FSD1L: variants seen among roughly 807,000 people sequenced by gnomAD.
FSD1L encodes the protein fibronectin type III and SPRY domain containing 1 like.
A neutral mutation model predicts 71.6 loss-of-function variants in FSD1L; 45 were observed. The observed-to-expected ratio is 0.63, with a 90% CI of 0.49 to 0.81. The LOEUF (loss-of-function observed/expected upper bound fraction) is 0.81, where lower values mean the gene tolerates loss of function less well. Among genes scored for constraint, FSD1L ranks in the 30% least tolerant of loss-of-function variants. The probability of loss-of-function intolerance (pLI) is 0.00; values close to 1 mark genes in which losing one functional copy is unlikely to be tolerated. For missense variants in FSD1L, 561 were observed against 618.1 expected, an observed-to-expected ratio of 0.91 and a Z score of 0.98; for synonymous variants, 197 against 207.2, an observed-to-expected ratio of 0.95 and a Z score of 0.42.
chr9:105,516,046 G>A (rs998291324), intron 10 of FSD1L, among the ~76,000 whole-genome samples: 7 of 152,130 alleles, frequency 4.6e-5, no homozygotes, highest in African/African-American at 1.4e-4. Context: ...TTGAGTAGGT[G>A]GTTTTCCCCT....
At chr9:105,504,644 C>T (rs963396485) in intron 7 of FSD1L, among the ~76,000 whole-genome samples, 1 of 152,160 alleles carries the variant, frequency 6.6e-6, no homozygotes, top group Non-Finnish European at 1.5e-5. Flanking sequence ...CACAGATGCT[C>T]AAGTCCCTAA....
At chr9:105,512,620 CAGATA>C (rs1419282540) in intron 9 of FSD1L, among the ~76,000 whole-genome samples, 182 bp from the exon 10 acceptor site, 1 of 151,994 alleles carries the variant, frequency 6.6e-6, no homozygotes, top group Non-Finnish European at 1.5e-5. Context: ...AATGGGAAAT[CAGATA>C]AGAATTATAA....
intron 6 of FSD1L, among the ~76,000 whole-genome samples, chr9:105,482,564 A>G (rs1832279343): frequency 6.6e-6 from 1 of 152,228 alleles, no homozygotes; most frequent in Non-Finnish European, 1.5e-5. Context: ...GTAGAGAATT[A>G]TCTAATGAAT....
At chr9:105,504,506 T>A (rs1833939838) in intron 7 of FSD1L, among the ~76,000 whole-genome samples, 1 of 152,232 alleles carries the variant, frequency 6.6e-6, no homozygotes, top group Admixed American at 6.5e-5. Context: ...TTAGCTCTCA[T>A]GTTGCTTTGC....
chr9:105,469,283 T>C (rs957178985), intron 4 of FSD1L, among the ~76,000 whole-genome samples: 6 of 152,236 alleles, frequency 3.9e-5, no homozygotes, highest in African/African-American at 1.4e-4. Context: ...ATATGTATAC[T>C]TCAAAGTAGG....
intron 1 of FSD1L, among the ~76,000 whole-genome samples, chr9:105,450,336 T>C (rs1352195496): frequency 6.6e-6 from 1 of 152,206 alleles, no homozygotes; most frequent in African/African-American, 2.4e-5. Context: ...AAGGCCTGAA[T>C]ATATACCTGA....
At chr9:105,490,356 GT>G (rs1162022439) in intron 7 of FSD1L, among the ~76,000 whole-genome samples, 1 of 151,978 alleles carries the variant, frequency 6.6e-6, no homozygotes, top group Non-Finnish European at 1.5e-5. Flanking sequence ...GGAGTTGTTT[GT>G]TTTTTTCTTG....
chr9:105,531,170 A>G (rs1365591259), intron 10 of FSD1L, among the ~76,000 whole-genome samples: 1 of 152,190 alleles, frequency 6.6e-6, no homozygotes, highest in Non-Finnish European at 1.5e-5. Flanking sequence ...AAAACCAGAC[A>G]TGTGTTTCTC....
At chr9:105,526,146 G>T (rs1395608181) in intron 10 of FSD1L, 23 of 1,572,260 alleles carry the variant, frequency 1.5e-5, no homozygotes, top group Admixed American at 5.0e-5. Flanking sequence ...TGAATGGAAA[G>T]GTTCTACCCA....
At chr9:105,516,018 G>A (rs901284188) in intron 10 of FSD1L, among the ~76,000 whole-genome samples, 4 of 152,156 alleles carry the variant, frequency 2.6e-5, no homozygotes, top group Admixed American at 1.3e-4. Flanking sequence ...GGGGAGGGGC[G>A]TCTGCCATTG....
intron 1 of FSD1L, among the ~76,000 whole-genome samples, chr9:105,458,871 C>T (rs1180535363): frequency 2.0e-5 from 3 of 152,144 alleles, no homozygotes; most frequent in Non-Finnish European, 4.4e-5. Flanking sequence ...ACGTAGAGCA[C>T]AAATTAGAGG....
At chr9:105,536,302 C>T (rs1836260765) in intron 12 of FSD1L, among the ~76,000 whole-genome samples, 1 of 152,220 alleles carries the variant, frequency 6.6e-6, no homozygotes, top group Non-Finnish European at 1.5e-5. Context: ...ACACGATAAT[C>T]CTTTATTAAA....
intron 1 of FSD1L, among the ~76,000 whole-genome samples, chr9:105,448,508 C>T (rs938634668): frequency 6.6e-6 from 1 of 152,222 alleles, no homozygotes; most frequent in African/African-American, 2.4e-5. Flanking sequence ...GAGCCATCCC[C>T]CTTTTAAAAT....
At chr9:105,487,846 C>G (rs80078821) in intron 7 of FSD1L, among the ~76,000 whole-genome samples, 1 of 152,084 alleles carries the variant, frequency 6.6e-6, no homozygotes, top group East Asian at 1.9e-4. Flanking sequence ...TATTTTCTTA[C>G]ATTTGTAGCT....
At position 105,487,205 on chromosome 9, in the gene FSD1L, A is replaced by T. The variant is rs538831029; in HGVS notation, c.586+2703A>T. On this transcript the variant is annotated intron_variant, in intron 7 of 13. Coordinates refer to ENST00000481272, the MANE Select transcript of FSD1L (RefSeq NM_001145313.3). ...TAGTTCTTGATGAGTATTTAGGTTT[A>T]TAGTCTTTTCATTAGAAACAATGCT... Among the ~76,000 whole-genome samples, 8 of 152,236 alleles carry T rather than the reference A, an allele frequency of 5.3e-5. No homozygotes were observed. The South Asian group carries it at 1.7e-3, about 32-fold the overall frequency.
intron 10 of FSD1L, among the ~76,000 whole-genome samples, chr9:105,527,993 C>T (rs1835632566): frequency 6.6e-6 from 1 of 152,164 alleles, no homozygotes; most frequent in Non-Finnish European, 1.5e-5. Flanking sequence ...CATTCCTATA[C>T]CCCAATGACA....
chr9:105,448,163 A>C lies in FSD1L; in HGVS notation c.-58A>C. 1 of 1,526,918 alleles carries C rather than the reference A, an allele frequency of 6.5e-7. No homozygotes were observed. The highest frequency in any genetic ancestry group is 8.9e-7 in the Non-Finnish European group (1 of 1,129,204). 94.6% of individuals were successfully genotyped at this position (1,526,918 alleles called of 1,614,324 possible). On this transcript the variant is annotated 5_prime_UTR_variant, in exon 1 of 14. Transcript: ENST00000481272. ...GGTCTTGGGGTGTGCGATCTCGCTGAGCCTCCTCACACGGTTCGTCGTCTC... is the reference window on the plus strand; with the variant it reads ...GGTCTTGGGGTGTGCGATCTCGCTGCGCCTCCTCACACGGTTCGTCGTCTC...
At chr9:105,528,063 C>T (rs948950464) in intron 10 of FSD1L, among the ~76,000 whole-genome samples, 1 of 151,614 alleles carries the variant, frequency 6.6e-6, no homozygotes, top group Non-Finnish European at 1.5e-5. Flanking sequence ...AAAGAGAATA[C>T]GTAGGAATAC....
chr9:105,481,196 T>TTTTTTTTTGC (rs1233243894), intron 6 of FSD1L, among the ~76,000 whole-genome samples: 10 of 146,650 alleles, frequency 6.8e-5, no homozygotes, highest in African/African-American at 2.0e-4. Context: ...TTTTTTTTTT[T>TTTTTTTTTGC]TTTTTTTTGC....
Sources: gnomAD v4.1 joint callset for allele counts (sites outside exome capture counted in the v4.1 genomes callset) on GRCh38, gnomAD v4.1.1 for gene constraint, MANE v1.5 for transcripts, NCBI Gene and HGNC (gene_info 2026-07-23, HGNC 2026-07-21) for gene names.